The following BRAF variants were observed in gnomAD, a reference collection of about 807,000 sequenced individuals.
BRAF encodes B-Raf proto-oncogene, serine/threonine kinase.
Under a neutral mutation model 104.6 loss-of-function variants are expected in BRAF, and 16 were observed. The ratio of observed to expected loss-of-function variants is 0.15; its 90% CI spans 0.10 to 0.23. The LOEUF (loss-of-function observed/expected upper bound fraction) is 0.23, where lower values mean the gene tolerates loss of function less well. Among genes scored for constraint, BRAF ranks in the 10% least tolerant of loss-of-function variants. BRAF has a pLI of 1.00. For synonymous variants in BRAF, 310 were observed against 341.6 expected, an observed-to-expected ratio of 0.91 and a Z score of 1.02; for missense variants, 541 against 937.3, an observed-to-expected ratio of 0.58 and a Z score of 5.52.
In BRAF at chr7:140,719,566, G is replaced by A. The variant is rs922346621; in HGVS notation, c.*6928C>T. 2.8e-6 allele frequency: 3 copies of A among 1,052,866 alleles called. No homozygotes were observed. Among genetic ancestry groups the A allele is most frequent in the Admixed American group, 5.4e-5 (1 of 18,542 alleles). The allele number at this position is 1,052,866 out of a possible 1,614,324, so 65.2% of individuals were successfully genotyped here. A position where few individuals can be genotyped will look rare whatever the true frequency, so the allele number is the denominator to read the frequency against. On this transcript the variant is annotated 3_prime_UTR_variant, in exon 20 of 20. Transcript: ENST00000644969. ...AAAAACTCCAAAGTACAAATGAAGG[G>A]ACCTGAGCAGGAAAGAGAACCAAAG...
chr7:140,907,855 C>A (rs1322206303), intron 1 of BRAF, among the ~76,000 whole-genome samples: 4 of 152,104 alleles, frequency 2.6e-5, no homozygotes, highest in Admixed American at 1.3e-4. Context: ...AGTGATTCTC[C>A]CACCTCAGCC....
At chr7:140,736,378 C>A (rs918194645) in intron 18 of BRAF, among the ~76,000 whole-genome samples, 1 of 151,370 alleles carries the variant, frequency 6.6e-6, no homozygotes, top group African/African-American at 2.4e-5. Flanking sequence ...CTCTTCAGTA[C>A]CTTTTTTTAT....
intron 16 of BRAF, 78 bp from the exon 16 acceptor site, chr7:140,749,496 A>T: frequency 6.7e-7 from 1 of 1,483,870 alleles, no homozygotes; most frequent in Non-Finnish European, 9.3e-7. Context: ...TAATTCCTAG[A>T]GCAATGCTTT....
At chr7:140,785,230 G>A (rs2129028957) in intron 10 of BRAF, among the ~76,000 whole-genome samples, 1 of 152,004 alleles carries the variant, frequency 6.6e-6, no homozygotes, top group Non-Finnish European at 1.5e-5. Flanking sequence ...AAGGCCAAAA[G>A]CCTAATAAAA....
In BRAF at chr7:140,722,670, C is replaced by T; in HGVS notation, c.*3824G>A. 1 of 1,052,238 alleles carries T rather than the reference C, an allele frequency of 9.5e-7. No homozygotes were observed. The highest frequency in any genetic ancestry group is 1.1e-6 in the Non-Finnish European group (1 of 871,042). 65.2% of individuals were successfully genotyped at this position (1,052,238 alleles called of 1,614,324 possible). A position where few individuals can be genotyped will look rare whatever the true frequency, so the allele number is the denominator to read the frequency against. On this transcript the variant is annotated 3_prime_UTR_variant, in exon 20 of 20. Coordinates refer to ENST00000644969, the MANE Select transcript of BRAF (RefSeq NM_001374258.1). The stretch of plus-strand genomic sequence containing the variant: ...CTTGCAAAAAGAGTAATCATTCTAC[C>T]CTCTTAGCTGGGTGGTCTTTCTATG...
chr7:140,888,922 T>G (rs962970344), intron 1 of BRAF, among the ~76,000 whole-genome samples: 1 of 152,188 alleles, frequency 6.6e-6, no homozygotes, highest in African/African-American at 2.4e-5. Flanking sequence ...CCGGCATTTT[T>G]GATGTTTCTA....
intron 18 of BRAF, 112 bp from the exon 18 acceptor site, chr7:140,734,882 T>TA: frequency 1.7e-6 from 2 of 1,211,410 alleles, no homozygotes; most frequent in Non-Finnish European, 2.3e-6. Flanking sequence ...TATAAATCTT[T>TA]AAGAGTCCCA....
Position 140,749,335 on chromosome 7 carries a change from T to G in BRAF, c.2064A>C (p.Glu688Asp), listed in dbSNP as rs1265184298. 6.2e-7 allele frequency: 1 copy of G among 1,612,654 alleles called. No individual in the cohort carries two copies. The highest frequency in any genetic ancestry group is 8.5e-7 in the Non-Finnish European group (1 of 1,179,540). ...DVYAFGIVLY[E>D]LMTGQLPYSN... ...AATAAGGTAACTGTCCAGTCATCAA[T>G]TCATACAGAACAATTCCAAATGCAT... The change falls in exon 17 of 20, where the codon GAA becomes GAC. Residue 688 changes from glutamate to aspartate, a missense_variant. By Grantham distance (45) the Glu-to-Asp change is conservative (BLOSUM62 2). Coordinates refer to ENST00000644969, the MANE Select transcript of BRAF (RefSeq NM_001374258.1).
chr7:140,714,881 T>C (rs1795102630), downstream of BRAF, among the ~76,000 whole-genome samples: 1 of 152,102 alleles, frequency 6.6e-6, no homozygotes, highest in Non-Finnish European at 1.5e-5. Flanking sequence ...GCATTTGAGC[T>C]GAAAGCGGAA....
At position 140,850,091 on chromosome 7, in the gene BRAF, TATG is replaced by T; in HGVS notation, c.240+17_240+19del. 6.6e-7 allele frequency: 1 copy of T among 1,520,952 alleles called. No homozygotes were observed. Among genetic ancestry groups the T allele is most frequent in the Non-Finnish European group, 9.1e-7 (1 of 1,098,542 alleles). The allele number at this position is 1,520,952 out of a possible 1,614,324, so 94.2% of individuals were successfully genotyped here. ...TTTTTTTCTTTTCAAAATTACTAGA[TATG>T]ATACTCAAAAGCTTACCTCCAGATA... On this transcript the variant is annotated intron_variant, in intron 2 of 19. Transcript: ENST00000644969.
At chr7:140,819,496 A>G (rs1487811642) in intron 3 of BRAF, among the ~76,000 whole-genome samples, 3 of 152,252 alleles carry the variant, frequency 2.0e-5, no homozygotes, top group Non-Finnish European at 2.9e-5. Flanking sequence ...CTAGAGGCAC[A>G]AATGAAATCA....
chr7:140,753,653 T>C (rs967065498), intron 15 of BRAF: 7 of 361,262 alleles, frequency 1.9e-5, no homozygotes, highest in Admixed American at 8.3e-5. Context: ...CCTAAGTTTA[T>C]AGGAGAACCT....
chr7:140,883,001 A>AAAAT (rs1489656021), intron 1 of BRAF, among the ~76,000 whole-genome samples: 1 of 149,468 alleles, frequency 6.7e-6, no homozygotes, highest in East Asian at 1.9e-4. Flanking sequence ...CTCAAAAAAT[A>AAAAT]AAATAAAATA....
intron 1 of BRAF, among the ~76,000 whole-genome samples, chr7:140,904,003 G>A (rs1165916419): frequency 2.0e-5 from 3 of 152,214 alleles, no homozygotes; most frequent in Non-Finnish European, 4.4e-5. Context: ...TACTCTTGCT[G>A]AAGATGCTGT....
At chr7:140,769,082 CTT>C (rs374126926) in intron 14 of BRAF, among the ~76,000 whole-genome samples, 4 of 146,210 alleles carry the variant, frequency 2.7e-5, no homozygotes, top group African/African-American at 7.4e-5. Context: ...CACCTCCAGT[CTT>C]TTTTTTTTTT....
intron 2 of BRAF, among the ~76,000 whole-genome samples, chr7:140,839,111 G>A (rs1171629875): frequency 6.6e-6 from 1 of 151,782 alleles, no homozygotes; most frequent in Admixed American, 6.6e-5. Context: ...AACAACTGGC[G>A]CTGGTACAAC....
chr7:140,823,966 G>T (rs1805745844), intron 3 of BRAF: 1 of 152,190 alleles, frequency 6.6e-6, no homozygotes, highest in Non-Finnish European at 1.5e-5. Flanking sequence ...CTTCATTAAA[G>T]AAATGTCTGT....
At chr7:140,853,446 C>A (rs1191650244) in intron 1 of BRAF, among the ~76,000 whole-genome samples, 1 of 152,180 alleles carries the variant, frequency 6.6e-6, no homozygotes, top group Non-Finnish European at 1.5e-5. Context: ...CACTAAAAAT[C>A]ACCAAAGCCA....
chr7:140,879,676 C>T (rs181569830), intron 1 of BRAF, among the ~76,000 whole-genome samples: 1 of 150,844 alleles, frequency 6.6e-6, no homozygotes, highest in East Asian at 2.0e-4. Context: ...GTGTTGATGG[C>T]TGCTGCCGGA....
Sources: gnomAD v4.1 joint callset for allele counts (sites outside exome capture counted in the v4.1 genomes callset) on GRCh38, gnomAD v4.1.1 for gene constraint, MANE v1.5 for transcripts, NCBI Gene and HGNC (gene_info 2026-07-23, HGNC 2026-07-21) for gene names.